Variants in SNX29 observed in about 807,000 individuals in gnomAD.
SNX29 encodes sorting nexin 29, also known as sorting nexin-29.
SNX29 carries 78 observed loss-of-function variants against 102.1 expected under a neutral mutation model. The ratio of observed to expected loss-of-function variants is 0.76; its 90% CI spans 0.64 to 0.92. The LOEUF (loss-of-function observed/expected upper bound fraction) is 0.92. SNX29 is among the 40% of genes least tolerant of loss of function. The pLI is 0.00. For missense variants in SNX29, 1,280 were observed against 1,061.7 expected (o/e 1.21, Z -2.86); for synonymous variants, 580 against 414.5 (o/e 1.40, Z -4.85).
intron 20 of SNX29, among the ~76,000 whole-genome samples, chr16:12,552,653 T>G (rs557085637): frequency 6.6e-6 from 1 of 152,040 alleles, no homozygotes; most frequent in Non-Finnish European, 1.5e-5. Context: ...AGGATTGCAA[T>G]GGGAGACCCA....
intron 20 of SNX29, among the ~76,000 whole-genome samples, chr16:12,564,979 C>CA (rs140383189): frequency 0.016 from 2,367 of 151,268 alleles, 54 homozygotes; most frequent in South Asian, 0.11. Context: ...TGAGGCGTTT[C>CA]AGCTTCCGAC....
chr16:12,308,113 C>T (rs1228065663), intron 15 of SNX29, among the ~76,000 whole-genome samples: 1 of 152,236 alleles, frequency 6.6e-6, no homozygotes, highest in Non-Finnish European at 1.5e-5. Flanking sequence ...TGCGAGGGCT[C>T]ACTGCTGAAG....
chr16:12,144,355 A>G (rs910838437), intron 13 of SNX29, among the ~76,000 whole-genome samples: 7 of 152,238 alleles, frequency 4.6e-5, no homozygotes, highest in African/African-American at 1.7e-4. Context: ...AGTAAACCAT[A>G]AACAACATGT....
intron 15 of SNX29, among the ~76,000 whole-genome samples, chr16:12,298,378 C>G (rs1472609417): frequency 6.6e-6 from 1 of 152,186 alleles, no homozygotes; most frequent in East Asian, 1.9e-4. Flanking sequence ...TGATGTTTAT[C>G]ACCTTCTTCA....
chr16:12,347,192 G>C (rs2081838560), intron 15 of SNX29, among the ~76,000 whole-genome samples: 2 of 151,770 alleles, frequency 1.3e-5, no homozygotes, highest in African/African-American at 4.8e-5. Flanking sequence ...CCTCTGCTTA[G>C]TGACTCTGCA....
At chr16:12,092,857 G>A (rs2052613922) in intron 11 of SNX29, among the ~76,000 whole-genome samples, 2 of 152,160 alleles carry the variant, frequency 1.3e-5, no homozygotes, top group Non-Finnish European at 1.5e-5. Context: ...TACACATGTG[G>A]TGACATTCAG....
At chr16:12,041,818 G>GT (rs1342389752) in intron 4 of SNX29, among the ~76,000 whole-genome samples, 1 of 152,134 alleles carries the variant, frequency 6.6e-6, no homozygotes, top group African/African-American at 2.4e-5. Flanking sequence ...ACTATATAAG[G>GT]TAATATTCAG....
At chr16:12,126,902 C>T (rs1193299123) in intron 12 of SNX29, among the ~76,000 whole-genome samples, 3 of 152,104 alleles carry the variant, frequency 2.0e-5, no homozygotes, top group Non-Finnish European at 4.4e-5. Context: ...GAAGTGAGAA[C>T]CTTATGATAA....
intron 13 of SNX29, among the ~76,000 whole-genome samples, chr16:12,197,292 G>A (rs1808980703): frequency 6.6e-6 from 1 of 152,176 alleles, no homozygotes; most frequent in Non-Finnish European, 1.5e-5. Flanking sequence ...TCTACAGGCT[G>A]GGCGTGGTGG....
chr16:12,200,638 A>T (rs1018159938), intron 14 of SNX29, among the ~76,000 whole-genome samples: 3 of 152,098 alleles, frequency 2.0e-5, no homozygotes, highest in Non-Finnish European at 4.4e-5. Context: ...ATCTGCCACC[A>T]TGCCCAGCTA....
intron 13 of SNX29, among the ~76,000 whole-genome samples, chr16:12,139,980 CAAAAAAAAAAA>C (rs59169166): frequency 1.1e-5 from 1 of 88,574 alleles, no homozygotes; most frequent in Non-Finnish European, 2.2e-5. Flanking sequence ...TACCCTGTCT[CAAAAAAAAAAA>C]AAAAAAAAAA....
chr16:12,060,708 T>C, intron 8 of SNX29: 2 of 452,662 alleles, frequency 4.4e-6, no homozygotes, highest in South Asian at 3.1e-5. Context: ...ACTGCAAAAA[T>C]ACCTCCAGGT....
chr16:12,079,313 C>G (rs1395409900), intron 11 of SNX29, among the ~76,000 whole-genome samples: 1 of 152,182 alleles, frequency 6.6e-6, no homozygotes, highest in Non-Finnish European at 1.5e-5. Flanking sequence ...AATGATCAGG[C>G]TTCAACTGTT....
At chr16:12,418,800 C>T (rs1266324918) in intron 18 of SNX29, among the ~76,000 whole-genome samples, 1 of 152,330 alleles carries the variant, frequency 6.6e-6, no homozygotes, top group Non-Finnish European at 1.5e-5. Flanking sequence ...CAGATGTGAG[C>T]CACAGCACCT....
chr16:12,277,924 T>A lies in SNX29; in HGVS notation c.1679-9T>A, dbSNP rs1004692890. The A allele has an allele frequency of 2.5e-6, 4 of 1,597,958 alleles. No homozygotes were observed. The highest frequency in any genetic ancestry group is 3.4e-6 in the Non-Finnish European group (4 of 1,171,272). Reference sequence around the variant, plus strand: ...GAAATATTTATGACATGTCTCTCTTTCTCTAAAGTGCCAAATCTTTGGAGT... The same window carrying A: ...GAAATATTTATGACATGTCTCTCTTACTCTAAAGTGCCAAATCTTTGGAGT... On this transcript the variant is annotated splice_polypyrimidine_tract_variant and intron_variant, in intron 14 of 20. Transcript: ENST00000566228.
chr16:12,256,481 T>G (rs1168437292), intron 14 of SNX29, among the ~76,000 whole-genome samples: 3 of 152,100 alleles, frequency 2.0e-5, no homozygotes, highest in African/African-American at 7.2e-5. Context: ...GCGTGTACCA[T>G]CATGCCCGGC....
chr16:12,377,222 A>C (rs375868761), intron 16 of SNX29, among the ~76,000 whole-genome samples: 1 of 152,192 alleles, frequency 6.6e-6, no homozygotes, highest in Non-Finnish European at 1.5e-5. Context: ...ATATTAGTCA[A>C]CGTAGGTTCA....
intron 15 of SNX29, among the ~76,000 whole-genome samples, chr16:12,340,724 G>A (rs1410218710): frequency 2.0e-5 from 3 of 152,094 alleles, no homozygotes; most frequent in East Asian, 1.9e-4. Flanking sequence ...TCACAACCCC[G>A]GCAGCAAACA....
chr16:12,212,711 T>C (rs1047602213), intron 14 of SNX29, among the ~76,000 whole-genome samples: 4 of 152,244 alleles, frequency 2.6e-5, no homozygotes, highest in Admixed American at 6.5e-5. Flanking sequence ...CTGATGTGTT[T>C]GAGTTCCTTG....
Sources: allele counts gnomAD v4.1 joint callset (sites outside exome capture counted in the v4.1 genomes callset), GRCh38; gene constraint gnomAD v4.1.1; transcripts MANE v1.5; gene names NCBI Gene and HGNC (gene_info 2026-07-23, HGNC 2026-07-21).